Variants in C12orf56 observed in about 807,000 individuals in gnomAD.
C12orf56 encodes uncharacterized protein C12orf56.
In C12orf56, 71 loss-of-function variants were observed where a neutral mutation model predicts 69.9. That is an observed-to-expected ratio of 1.02 (90% CI 0.84 to 1.24). The LOEUF is 1.24. C12orf56 is among the 50% of genes most tolerant of loss of function. The pLI is 0.00. For synonymous variants in C12orf56, 276 were observed against 274.1 expected, an observed-to-expected ratio of 1.01 and a Z score of -0.07; for missense variants, 732 against 738.5, an observed-to-expected ratio of 0.99 and a Z score of 0.10.
chr12:64,343,604 A>G (rs2039102737), intron 2 of C12orf56, among the ~76,000 whole-genome samples: 1 of 152,246 alleles, frequency 6.6e-6, no homozygotes, highest in Non-Finnish European at 1.5e-5. Context: ...CATCTGGTAC[A>G]GCAGCTGCAC....
intron 12 of C12orf56, among the ~76,000 whole-genome samples, chr12:64,269,778 G>A (rs758684006): frequency 1.1e-4 from 16 of 151,642 alleles, no homozygotes; most frequent in Admixed American, 8.5e-4. Flanking sequence ...TAGTAGAGAC[G>A]GGGTTTCACC....
chr12:64,371,014 A>G (rs1238525055), intron 1 of C12orf56, among the ~76,000 whole-genome samples: 2 of 152,200 alleles, frequency 1.3e-5, no homozygotes, highest in Non-Finnish European at 2.9e-5. Flanking sequence ...AAACAAAAAC[A>G]AAAGAATAGA....
Position 64,352,902 on chromosome 12 carries a change from T to C in C12orf56, c.407A>G (p.Asn136Ser). Residue 136 changes from asparagine to serine, a missense_variant, in exon 2 of 13, where the codon AAC (asparagine) becomes AGC (serine). Transcript: ENST00000543942. The stretch of plus-strand genomic sequence containing the variant: ...AGATTGGAAGTACCTACCTTTCTTG[T>C]TGTTAGCTTTAGTATGATGAAATGG... ...LFPFHHTKAN[N>S]KKVKEEKNGL... 2 of 1,606,808 alleles carry C rather than the reference T, an allele frequency of 1.2e-6. No homozygotes were observed. The highest frequency in any genetic ancestry group is 4.5e-5 in the East Asian group (2 of 44,704).
chr12:64,336,637 A>AT (rs1172154946), intron 2 of C12orf56, among the ~76,000 whole-genome samples: 1 of 152,192 alleles, frequency 6.6e-6, no homozygotes, highest in East Asian at 1.9e-4. Flanking sequence ...AACAGTTTCC[A>AT]TGCCACAGTG....
intron 2 of C12orf56, among the ~76,000 whole-genome samples, chr12:64,351,590 C>A (rs1169963595): frequency 1.3e-5 from 2 of 152,100 alleles, no homozygotes; most frequent in Admixed American, 6.6e-5. Context: ...TGAGTAAGAG[C>A]ATATATTCCC....
chr12:64,294,914 T>G (rs2038345569), intron 6 of C12orf56, among the ~76,000 whole-genome samples: 1 of 152,104 alleles, frequency 6.6e-6, no homozygotes, highest in Non-Finnish European at 1.5e-5. Flanking sequence ...ATTTTTTTTT[T>G]TTTTGAGATG....
At chr12:64,270,735 T>C (rs747129739) in intron 11 of C12orf56, 21 bp from the exon 12 acceptor site, 3 of 1,583,804 alleles carry the variant, frequency 1.9e-6, no homozygotes, top group Non-Finnish European at 2.6e-6. Context: ...AAAATACAGT[T>C]ACATGTAGGC....
At chr12:64,303,847 G>T in intron 5 of C12orf56, 68 bp from the exon 6 acceptor site, 2 of 1,473,826 alleles carry the variant, frequency 1.4e-6, no homozygotes, top group South Asian at 1.3e-5. Flanking sequence ...GAATATCAAT[G>T]ATTACTGTCA....
intron 2 of C12orf56, among the ~76,000 whole-genome samples, chr12:64,341,140 T>C (rs1365742803): frequency 6.6e-6 from 1 of 152,184 alleles, no homozygotes; most frequent in Non-Finnish European, 1.5e-5. Flanking sequence ...GTGGATATGA[T>C]AACTTCCAGT....
chr12:64,328,633 T>A (rs2136859044), intron 3 of C12orf56, among the ~76,000 whole-genome samples: 1 of 122,598 alleles, frequency 8.2e-6, no homozygotes, highest in East Asian at 2.6e-4. Flanking sequence ...TGAGCCAAAA[T>A]CGAGCCACTG....
Position 64,277,754 on chromosome 12 carries a change from G to C in C12orf56, c.1360C>G (p.Pro454Ala), listed in dbSNP as rs781683024. 6 of 1,601,882 alleles carry C rather than the reference G, an allele frequency of 3.7e-6. No individual in the cohort carries two copies. In the African/African-American group the frequency reaches 4.0e-5, roughly 11 times the overall value. The change falls in exon 9 of 13, where the codon CCA (proline) becomes GCA (alanine). Residue 454 changes from proline (P) to alanine (A), a missense_variant. Coordinates refer to ENST00000543942, the MANE Select transcript of C12orf56 (RefSeq NM_001170633.2). ...ATATCAAACACAGGACAAGATTTTG[G>C]AATCTGAGGCTCACTAATTAAAATT... ...LVILISEPQIPKSCPVFDIQL... is the reference protein window; with the variant it reads ...LVILISEPQIAKSCPVFDIQL...
intron 1 of C12orf56, among the ~76,000 whole-genome samples, chr12:64,359,579 C>T (rs528700281): frequency 6.6e-6 from 1 of 152,250 alleles, no homozygotes; most frequent in South Asian, 2.1e-4. Flanking sequence ...AGGAGCTAAG[C>T]AAGCCTAATT....
chr12:64,344,749 G>C (rs552837294), intron 2 of C12orf56, among the ~76,000 whole-genome samples: 1 of 152,000 alleles, frequency 6.6e-6, no homozygotes, highest in South Asian at 2.1e-4. Context: ...ATATCTTCTG[G>C]ACCCTCCCAG....
intron 5 of C12orf56, among the ~76,000 whole-genome samples, chr12:64,306,475 C>T (rs886278503): frequency 1.8e-4 from 27 of 149,174 alleles, no homozygotes; most frequent in African/African-American, 6.2e-4. Context: ...TGGGTTCAAG[C>T]GATTCTTGTG....
At chr12:64,340,280 C>G (rs6581546) in intron 2 of C12orf56, among the ~76,000 whole-genome samples, 66,277 of 151,764 alleles carry the variant, frequency 0.44, 14,838 homozygotes, top group Admixed American at 0.56. Flanking sequence ...CCAGAATAAG[C>G]GTGGGTCTGC....
intron 1 of C12orf56, among the ~76,000 whole-genome samples, chr12:64,373,169 G>C (rs1327497866): frequency 6.6e-6 from 1 of 151,710 alleles, no homozygotes; most frequent in African/African-American, 2.4e-5. Flanking sequence ...TATGTTTTTG[G>C]TTCCTGGTAG....
At chr12:64,369,639 G>A (rs1186482709) in intron 1 of C12orf56, among the ~76,000 whole-genome samples, 1 of 152,160 alleles carries the variant, frequency 6.6e-6, no homozygotes, top group African/African-American at 2.4e-5. Context: ...GCACAAAGGA[G>A]GGGAAGAGAA....
chr12:64,343,568 G>A (rs1256031046), intron 2 of C12orf56, among the ~76,000 whole-genome samples: 1 of 152,232 alleles, frequency 6.6e-6, no homozygotes. Context: ...CAGGAGATGT[G>A]TTAATTTGCT....
intron 1 of C12orf56, among the ~76,000 whole-genome samples, chr12:64,370,606 G>A (rs527856207): frequency 1.3e-5 from 2 of 152,124 alleles, no homozygotes; most frequent in East Asian, 1.9e-4. Flanking sequence ...AGCTGAAATT[G>A]TGCCACTGCA....
Sources: gnomAD v4.1 joint callset for allele counts (sites outside exome capture counted in the v4.1 genomes callset) on GRCh38, gnomAD v4.1.1 for gene constraint, MANE v1.5 for transcripts, NCBI Gene and HGNC (gene_info 2026-07-23, HGNC 2026-07-21) for gene names.